The following ETV6 variants were observed in gnomAD, a reference collection of about 807,000 sequenced individuals.
The protein encoded by ETV6 is ETS variant transcription factor 6, also known as transcription factor ETV6.
In ETV6, 16 loss-of-function variants were observed where a neutral mutation model predicts 51.1. The ratio of observed to expected loss-of-function variants is 0.31; its 90% CI spans 0.21 to 0.48. The LOEUF is 0.48. Ranked by LOEUF, ETV6 falls within the 20% of genes least tolerant of loss-of-function variation. The pLI, the probability that ETV6 is intolerant of heterozygous loss-of-function variation, is 0.99. For missense variants in ETV6, 458 were observed against 594.8 expected (o/e 0.77, Z 2.39); for synonymous variants, 240 against 224.1 (o/e 1.07, Z -0.64).
intron 2 of ETV6, 69 bp downstream of exon 2, chr12:11,752,648 C>T: frequency 6.5e-7 from 1 of 1,547,226 alleles, no homozygotes. Context: ...GCAGTGGGCT[C>T]CAGGCCAGAG....
In ETV6 at chr12:11,869,518, C is replaced by G. The variant is rs1368651450; in HGVS notation, c.558C>G (p.Ile186Met). 1.9e-6 allele frequency: 3 copies of G among 1,614,052 alleles called. No homozygotes were observed. The highest frequency in any genetic ancestry group is 2.5e-6 in the Non-Finnish European group (3 of 1,180,038). Residue 186 changes from isoleucine (I) to methionine (M), a missense_variant, in exon 5 of 8, where the codon ATC becomes ATG. By Grantham distance (10) the Ile-to-Met change is conservative. Around this residue, in one of 4 missense-constraint regions of ETV6, gnomAD observed 293 missense variants for 315.7 expected, o/e 0.93. Transcript: ENST00000396373. This position sits in a 1 kb window ranked among gnomAD's most constrained non-coding sequence, Gnocchi z 5.0. ...IELLHRSRSP[I>M]TTNHRPSPDP... ...TGTTGCACCGCTCCAGGTCACCTAT[C>G]ACGACAAATCACCGGCCTTCTCCTG...
chr12:11,824,972 G>A (rs970375724), intron 2 of ETV6, among the ~76,000 whole-genome samples: 3 of 152,210 alleles, frequency 2.0e-5, no homozygotes, highest in Non-Finnish European at 4.4e-5. Context: ...AGATGAAAAT[G>A]AGCAACAGAA....
chr12:11,805,237 C>G (rs1945812143), intron 2 of ETV6, among the ~76,000 whole-genome samples: 1 of 152,170 alleles, frequency 6.6e-6, no homozygotes, highest in Non-Finnish European at 1.5e-5. Flanking sequence ...TTATTGGTAT[C>G]TCCCCCTGCA....
intron 1 of ETV6, among the ~76,000 whole-genome samples, chr12:11,751,158 C>G (rs931748174): frequency 6.6e-6 from 1 of 152,116 alleles, no homozygotes; most frequent in African/African-American, 2.4e-5. Flanking sequence ...ATCAAAACTT[C>G]CTACCACAAC....
rs1042125055 is a variant in ETV6 at position 11,811,094 on chromosome 12, T to C, written c.164-28046T>C. ...AGCAAATAATTGATTCTTTTCAGGGTTTTTCCCCCCTGTGTTTTTTGTCTT... is the reference window on the plus strand; with the variant it reads ...AGCAAATAATTGATTCTTTTCAGGGCTTTTCCCCCCTGTGTTTTTTGTCTT... On this transcript the variant is annotated intron_variant, in intron 2 of 7. Coordinates refer to ENST00000396373, the MANE Select transcript of ETV6 (RefSeq NM_001987.5). 3.9e-5 allele frequency among the ~76,000 whole-genome samples: 6 copies of C among 152,134 alleles called. No homozygotes were observed. The South Asian group carries it at 6.2e-4, about 16-fold the overall frequency.
intron 2 of ETV6, among the ~76,000 whole-genome samples, chr12:11,770,839 G>T (rs1267508712): frequency 6.6e-6 from 1 of 152,020 alleles, no homozygotes; most frequent in African/African-American, 2.4e-5. Context: ...GTTCAAGGCT[G>T]CAGTGAGCCA....
At chr12:11,692,290 A>C (rs1375945641) in intron 1 of ETV6, among the ~76,000 whole-genome samples, 1 of 152,166 alleles carries the variant, frequency 6.6e-6, no homozygotes, top group Non-Finnish European at 1.5e-5. Flanking sequence ...AACTCTGCTG[A>C]GTCCCTCCTA....
chr12:11,667,016 AGGG>A (rs1432067232), intron 1 of ETV6, among the ~76,000 whole-genome samples: 3 of 152,208 alleles, frequency 2.0e-5, no homozygotes, highest in African/African-American at 7.2e-5. Flanking sequence ...TGGACCACTT[AGGG>A]AGCAGAAAGC....
At chr12:11,887,114 A>G (rs1051893728) in intron 7 of ETV6, among the ~76,000 whole-genome samples, 1 of 152,196 alleles carries the variant, frequency 6.6e-6, no homozygotes, top group Admixed American at 6.5e-5. Context: ...GAAACGGGAA[A>G]GGCTCTTCAG....
intron 2 of ETV6, among the ~76,000 whole-genome samples, chr12:11,819,946 T>C (rs1005056130): frequency 6.6e-6 from 1 of 152,238 alleles, no homozygotes; most frequent in Non-Finnish European, 1.5e-5. Context: ...CTTGTAGCCT[T>C]AGGATAAAGC....
At chr12:11,772,763 C>T (rs1283526450) in intron 2 of ETV6, among the ~76,000 whole-genome samples, 6 of 152,178 alleles carry the variant, frequency 3.9e-5, no homozygotes, top group African/African-American at 1.4e-4. Context: ...CCTTGTGATT[C>T]TCTCTGGTCT....
At chr12:11,696,888 G>A (rs1864888431) in intron 1 of ETV6, among the ~76,000 whole-genome samples, 1 of 152,266 alleles carries the variant, frequency 6.6e-6, no homozygotes, top group South Asian at 2.1e-4. Context: ...TCACTAGAAT[G>A]CAAACTCCTT....
chr12:11,745,652 T>TAG (rs150715875), intron 1 of ETV6, among the ~76,000 whole-genome samples: 6,372 of 152,258 alleles, frequency 0.042, 172 homozygotes, highest in Non-Finnish European at 0.063. Context: ...CTTCTTGGTG[T>TAG]AGAGATCTGC....
intron 7 of ETV6, among the ~76,000 whole-genome samples, chr12:11,889,503 G>A (rs1425154482): frequency 6.6e-6 from 1 of 152,194 alleles, no homozygotes; most frequent in Non-Finnish European, 1.5e-5. Context: ...TGAAGAAGAT[G>A]GAGGTTTAAG....
chr12:11,847,088 G>A (rs1160272190), intron 3 of ETV6, among the ~76,000 whole-genome samples: 1 of 152,168 alleles, frequency 6.6e-6, no homozygotes, highest in African/African-American at 2.4e-5. Context: ...CAGTCTACGA[G>A]CAATAGTTGT....
At chr12:11,674,132 T>C (rs565729921) in intron 1 of ETV6, among the ~76,000 whole-genome samples, 154 of 152,312 alleles carry the variant, frequency 1.0e-3, no homozygotes, top group African/African-American at 3.3e-3. Context: ...GCACGGAATC[T>C]AGCAAACAAT....
chr12:11,690,106 G>A (rs1864724398), intron 1 of ETV6, among the ~76,000 whole-genome samples: 1 of 151,940 alleles, frequency 6.6e-6, no homozygotes, highest in Non-Finnish European at 1.5e-5. Context: ...GGTGTCCAGA[G>A]CTCAAGTCCC....
chr12:11,725,588 A>G lies in ETV6; in HGVS notation c.34-26862A>G, dbSNP rs531053457. On this transcript the variant is annotated intron_variant, in intron 1 of 7. Transcript: ENST00000396373. ...TTCAGATGTTGCTGCTGTAGTTTGGATGTTTCTCTCCCCAAACCTCATGTT... is the reference window on the plus strand; with the variant it reads ...TTCAGATGTTGCTGCTGTAGTTTGGGTGTTTCTCTCCCCAAACCTCATGTT... Among the ~76,000 whole-genome samples, 102 of 152,102 alleles carry G rather than the reference A, an allele frequency of 6.7e-4. 1 individual carries two copies. Among genetic ancestry groups the G allele is most frequent in the Admixed American group, 3.7e-3 (56 of 15,290 alleles).
chr12:11,674,881 G>A (rs902581921), intron 1 of ETV6, among the ~76,000 whole-genome samples: 2 of 152,086 alleles, frequency 1.3e-5, no homozygotes, highest in African/African-American at 4.8e-5. Context: ...CCAATTCCCC[G>A]CTTCCCTAAG....
Sources: gnomAD v4.1 joint callset for allele counts (sites outside exome capture counted in the v4.1 genomes callset) on GRCh38, gnomAD v4.1.1 for gene constraint, gnomAD v4.1.1 regional missense constraint, Gnocchi (gnomAD v3.1) non-coding constraint, MANE v1.5 for transcripts, NCBI Gene and HGNC (gene_info 2026-07-23, HGNC 2026-07-21) for gene names.